The following KANK1 variants were observed in gnomAD, a reference collection of about 807,000 sequenced individuals.
KANK1 encodes the protein KN motif and ankyrin repeat domain-containing protein 1.
In KANK1, 109 loss-of-function variants were observed where a neutral mutation model predicts 106.2. The observed-to-expected ratio is 1.03, with a 90% confidence interval of 0.88 to 1.20. KANK1 has a LOEUF of 1.20. Ranked by LOEUF, KANK1 falls within the 50% of genes most tolerant of loss-of-function variation. The pLI is 0.00. For missense variants in KANK1, 2,399 were observed against 1,710.7 expected, an observed-to-expected ratio of 1.40 and a Z score of -7.10; for synonymous variants, 873 against 652.2, an observed-to-expected ratio of 1.34 and a Z score of -5.16.
chr9:510,578 A>G (rs991814702), intron 1 of KANK1, among the ~76,000 whole-genome samples: 3 of 152,216 alleles, frequency 2.0e-5, no homozygotes, highest in African/African-American at 7.2e-5. Flanking sequence ...CTAAAGAGAC[A>G]CTGAGCCTTC....
chr9:479,537 C>G (rs61500707), intron 3 of KANK1, among the ~76,000 whole-genome samples: 8,438 of 152,242 alleles, frequency 0.055, 804 homozygotes, highest in African/African-American at 0.19. Flanking sequence ...ATGTGACTCA[C>G]TGCAGGTGAT....
chr9:632,230 A>T (rs1835911652), intron 1 of KANK1, among the ~76,000 whole-genome samples: 1 of 152,164 alleles, frequency 6.6e-6, no homozygotes, highest in Admixed American at 6.5e-5. Context: ...CAGCTTTTCC[A>T]GATTTTCTTG....
chr9:512,026 T>C (rs1001505314), intron 1 of KANK1, among the ~76,000 whole-genome samples: 4 of 112,722 alleles, frequency 3.5e-5, no homozygotes, highest in African/African-American at 2.5e-4. Context: ...CTCCCATGAC[T>C]ATTGCCTTAG....
At chr9:741,157 C>T (rs1030923595) in intron 9 of KANK1, among the ~76,000 whole-genome samples, 7 of 152,192 alleles carry the variant, frequency 4.6e-5, no homozygotes, top group African/African-American at 1.4e-4. Context: ...CCTCCTTTGC[C>T]TTGCCTTTTG....
At chr9:621,423 T>G (rs1472072105) in intron 1 of KANK1, among the ~76,000 whole-genome samples, 1 of 152,144 alleles carries the variant, frequency 6.6e-6, no homozygotes, top group Non-Finnish European at 1.5e-5. Context: ...GAAATTCTCA[T>G]GTCATCATTA....
intron 1 of KANK1, among the ~76,000 whole-genome samples, chr9:509,649 C>T (rs1186407750): frequency 1.3e-5 from 2 of 152,058 alleles, no homozygotes; most frequent in Admixed American, 6.6e-5. Flanking sequence ...TAGTACATAC[C>T]GTTGTGGAAA....
At chr9:663,268 G>A (rs1316767758) in intron 1 of KANK1, among the ~76,000 whole-genome samples, 1 of 152,144 alleles carries the variant, frequency 6.6e-6, no homozygotes, top group African/African-American at 2.4e-5. Flanking sequence ...GTTCTTTAAT[G>A]CTTAAATAGG....
upstream of KANK1, among the ~76,000 whole-genome samples, chr9:500,304 G>GT (rs1368613037): frequency 6.6e-6 from 1 of 152,180 alleles, no homozygotes; most frequent in African/African-American, 2.4e-5. Context: ...CAGCTATGGA[G>GT]TTATCCTCTT....
intron 7 of KANK1, chr9:735,721 C>A (rs747144571): frequency 6.8e-6 from 3 of 440,616 alleles, no homozygotes; most frequent in Admixed American, 2.4e-5. Flanking sequence ...GGGCCAGGTG[C>A]AGTGGCTGAC....
intron 3 of KANK1, among the ~76,000 whole-genome samples, chr9:481,871 T>G (rs1182019120): frequency 6.6e-6 from 1 of 151,834 alleles, no homozygotes; most frequent in Non-Finnish European, 1.5e-5. Flanking sequence ...GGATGAACAT[T>G]CAGCTAAATG....
rs542054476 is a variant in KANK1 at position 633,029 on chromosome 9, G to A, written c.-83-43861G>A. Among the ~76,000 whole-genome samples, 7 of 152,192 alleles carry A rather than the reference G, an allele frequency of 4.6e-5. No homozygotes were observed. The East Asian group carries it at 9.7e-4, about 21-fold the overall frequency. ...TGTTTTAGCAAAGCAAAACGGCAGA[G>A]GTAACATGGCCCCCTCCCTCCACAT... On this transcript the variant is annotated intron_variant, in intron 1 of 11. Coordinates refer to ENST00000382297, the MANE Select transcript of KANK1 (RefSeq NM_015158.5).
chr9:694,747 C>T (rs993011891), intron 2 of KANK1, among the ~76,000 whole-genome samples: 2 of 152,136 alleles, frequency 1.3e-5, no homozygotes, highest in African/African-American at 4.8e-5. Context: ...GGCTTCTGGC[C>T]TCTTAACCCA....
intron 1 of KANK1, among the ~76,000 whole-genome samples, chr9:542,709 T>C (rs1388348550): frequency 1.3e-5 from 2 of 152,226 alleles, no homozygotes; most frequent in Non-Finnish European, 2.9e-5. Flanking sequence ...TACACTGGAA[T>C]ACTCTTCACC....
In KANK1 at chr9:701,670, A is replaced by T. The variant is rs1011848469; in HGVS notation, c.38-9134A>T. 1.8e-4 allele frequency among the ~76,000 whole-genome samples: 28 copies of T among 152,100 alleles called. 1 individual carries two copies. The highest frequency in any genetic ancestry group is 6.8e-4 in the African/African-American group (28 of 41,414). On this transcript the variant is annotated intron_variant, in intron 2 of 11. Coordinates refer to ENST00000382297, the MANE Select transcript of KANK1 (RefSeq NM_015158.5). The stretch of plus-strand genomic sequence containing the variant: ...TGCCAAATGTCCCTTCGCGGGGGCA[A>T]AATCACCTCCATGCCTCGTTTGGTT...
chr9:487,109 A>G (rs1354159084), intron 3 of KANK1, among the ~76,000 whole-genome samples: 1 of 152,100 alleles, frequency 6.6e-6, no homozygotes, highest in Non-Finnish European at 1.5e-5. Context: ...GTGGATATAT[A>G]CAAGATGGTT....
chr9:659,292 A>AT (rs1264343132), intron 1 of KANK1, among the ~76,000 whole-genome samples: 1 of 152,048 alleles, frequency 6.6e-6, no homozygotes, highest in African/African-American at 2.4e-5. Flanking sequence ...TTAGGGCATA[A>AT]TTTTTTTCCC....
upstream of KANK1, among the ~76,000 whole-genome samples, chr9:504,189 G>A (rs1446270172): frequency 2.0e-5 from 3 of 152,198 alleles, no homozygotes; most frequent in Non-Finnish European, 4.4e-5. Flanking sequence ...CGCCCCAGCC[G>A]GAGATGGGAG....
rs144072578 is a variant in KANK1, at chr9:668,422, T to C, written c.-83-8468T>C. On this transcript the variant is annotated intron_variant, in intron 1 of 11. Coordinates refer to ENST00000382297, the MANE Select transcript of KANK1 (RefSeq NM_015158.5). ...GCTGAATTTCAGTCCATCAAATGTATTAATCAGTTCTAAGATTTCTGTTTG... is the reference window on the plus strand; with the variant it reads ...GCTGAATTTCAGTCCATCAAATGTACTAATCAGTTCTAAGATTTCTGTTTG... 2.8e-3 allele frequency among the ~76,000 whole-genome samples: 434 copies of C among 152,310 alleles called. 1 individual carries two copies. Among genetic ancestry groups the C allele is most frequent in the Non-Finnish European group, 4.6e-3 (314 of 68,034 alleles).
intron 1 of KANK1, chr9:660,133 G>T: frequency 2.6e-6 from 1 of 381,512 alleles, no homozygotes; most frequent in South Asian, 2.4e-5. Context: ...CTGTCCAAGG[G>T]ACTGCTGATG....
Sources: gnomAD v4.1 joint callset for allele counts (sites outside exome capture counted in the v4.1 genomes callset) on GRCh38, gnomAD v4.1.1 for gene constraint, MANE v1.5 for transcripts, NCBI Gene and HGNC (gene_info 2026-07-23, HGNC 2026-07-21) for gene names.